CAMKMT: variants seen among roughly 807,000 people sequenced by gnomAD.
CAMKMT encodes the protein calmodulin-lysine N-methyltransferase.
A neutral mutation model predicts 48.0 loss-of-function variants in CAMKMT; 53 were observed. That is an observed-to-expected ratio of 1.10 (90% confidence interval 0.89 to 1.39). CAMKMT has a LOEUF of 1.39. Among genes scored for constraint, CAMKMT ranks in the 40% most tolerant of loss-of-function variants. The pLI is 0.00. For missense variants in CAMKMT, 428 were observed against 402.7 expected (o/e 1.06, Z -0.54); for synonymous variants, 165 against 152.3 (o/e 1.08, Z -0.61).
At chr2:44,649,216 GTTTCC>G (rs776863117) in intron 3 of CAMKMT, among the ~76,000 whole-genome samples, 4 of 151,980 alleles carry the variant, frequency 2.6e-5, no homozygotes, top group Non-Finnish European at 4.4e-5. Context: ...CTTGGATCCT[GTTTCC>G]TTTCAGTTTT....
chr2:44,676,020 G>A (rs1675669281), intron 3 of CAMKMT, among the ~76,000 whole-genome samples: 1 of 152,086 alleles, frequency 6.6e-6, no homozygotes, highest in South Asian at 2.1e-4. Context: ...CGTTTTTAAG[G>A]CCAAATAATA....
chr2:44,439,732 G>A (rs1666520529), intron 3 of CAMKMT, among the ~76,000 whole-genome samples: 1 of 151,824 alleles, frequency 6.6e-6, no homozygotes, highest in Admixed American at 6.6e-5. Flanking sequence ...CAGCTACTCG[G>A]GAGGCTGAGG....
At chr2:44,567,446 T>C (rs1028946182) in intron 3 of CAMKMT, among the ~76,000 whole-genome samples, 2 of 152,196 alleles carry the variant, frequency 1.3e-5, no homozygotes, top group African/African-American at 4.8e-5. Context: ...AGAAAAATTA[T>C]GTTCATTCAG....
intron 3 of CAMKMT, among the ~76,000 whole-genome samples, chr2:44,584,010 A>T (rs112624004): frequency 6.6e-6 from 1 of 152,326 alleles, no homozygotes; most frequent in East Asian, 1.9e-4. Flanking sequence ...CAGGATATTT[A>T]CATGACCCAG....
At chr2:44,691,953 T>C (rs1269369601) in intron 3 of CAMKMT, among the ~76,000 whole-genome samples, 1 of 152,172 alleles carries the variant, frequency 6.6e-6, no homozygotes, top group Non-Finnish European at 1.5e-5. Flanking sequence ...TCCACAAATA[T>C]AGGGAGGCCT....
chr2:44,389,596 A>G (rs1272565360), intron 2 of CAMKMT, among the ~76,000 whole-genome samples: 1 of 152,106 alleles, frequency 6.6e-6, no homozygotes, highest in Non-Finnish European at 1.5e-5. Flanking sequence ...TCTATGACCT[A>G]TTGCACAATT....
intron 3 of CAMKMT, among the ~76,000 whole-genome samples, chr2:44,661,163 A>T (rs1023813235): frequency 6.6e-6 from 1 of 152,126 alleles, no homozygotes; most frequent in African/African-American, 2.4e-5. Flanking sequence ...CTGCTGTGAG[A>T]TGGTTCATAA....
chr2:44,592,130 G>T (rs1458467901), intron 3 of CAMKMT, among the ~76,000 whole-genome samples: 2 of 151,904 alleles, frequency 1.3e-5, no homozygotes, highest in Admixed American at 1.3e-4. Flanking sequence ...GAGTTAATGG[G>T]TGCAGCACAC....
intron 3 of CAMKMT, among the ~76,000 whole-genome samples, chr2:44,703,882 G>T (rs1485971330): frequency 2.0e-5 from 3 of 151,540 alleles, no homozygotes; most frequent in Non-Finnish European, 2.9e-5. Flanking sequence ...TCCTGTGTGT[G>T]ATCGTCCCAT....
At chr2:44,480,578 G>A (rs1253653345) in intron 3 of CAMKMT, among the ~76,000 whole-genome samples, 4 of 152,004 alleles carry the variant, frequency 2.6e-5, no homozygotes, top group South Asian at 2.1e-4. Context: ...TATTATGATC[G>A]TTTACTCAAA....
chr2:44,625,703 G>T (rs1223969019), intron 3 of CAMKMT, among the ~76,000 whole-genome samples: 4 of 152,014 alleles, frequency 2.6e-5, no homozygotes, highest in Non-Finnish European at 5.9e-5. Context: ...GTGAGGTAAG[G>T]GTCGAGGTTC....
intron 3 of CAMKMT, among the ~76,000 whole-genome samples, chr2:44,445,195 C>T (rs1172786902): frequency 6.6e-6 from 1 of 152,166 alleles, no homozygotes; most frequent in Non-Finnish European, 1.5e-5. Context: ...CAGATAATTC[C>T]TATTCTCTAG....
chr2:44,610,834 G>A (rs1044477754), intron 3 of CAMKMT, among the ~76,000 whole-genome samples: 10 of 151,978 alleles, frequency 6.6e-5, no homozygotes, highest in African/African-American at 2.4e-4. Flanking sequence ...CCTTTAAAAC[G>A]GATCCATAGA....
intron 3 of CAMKMT, among the ~76,000 whole-genome samples, chr2:44,568,836 G>A (rs889027531): frequency 2.6e-5 from 4 of 152,216 alleles, no homozygotes; most frequent in Non-Finnish European, 5.9e-5. Context: ...GAGAGGCCCT[G>A]TGGAGGCTAG....
intron 3 of CAMKMT, among the ~76,000 whole-genome samples, chr2:44,630,751 G>A (rs1284448501): frequency 6.6e-6 from 1 of 150,626 alleles, no homozygotes; most frequent in Non-Finnish European, 1.5e-5. Context: ...GAAACAACAG[G>A]TGCTGGAGAG....
intron 3 of CAMKMT, among the ~76,000 whole-genome samples, chr2:44,580,653 C>T (rs1669503452): frequency 6.6e-6 from 1 of 152,254 alleles, no homozygotes; most frequent in East Asian, 1.9e-4. Context: ...TCTTTTGATG[C>T]TGTTTGTTGA....
chr2:44,548,992 A>G (rs1390737421), intron 3 of CAMKMT, among the ~76,000 whole-genome samples: 2 of 152,182 alleles, frequency 1.3e-5, no homozygotes, highest in African/African-American at 4.8e-5. Context: ...TAAGCTGCTA[A>G]ATTTCTGGTG....
chr2:44,418,425 C>CTTTTGTTGTTGA (rs1683715419), intron 3 of CAMKMT, among the ~76,000 whole-genome samples: 1 of 151,060 alleles, frequency 6.6e-6, no homozygotes, highest in Non-Finnish European at 1.5e-5. Flanking sequence ...AGTTAAGGTT[C>CTTTTGTTGTTGA]TTTTGTTGTT....
At chr2:44,514,875 A>G (rs1670757982) in intron 3 of CAMKMT, among the ~76,000 whole-genome samples, 1 of 152,222 alleles carries the variant, frequency 6.6e-6, no homozygotes, top group East Asian at 1.9e-4. Flanking sequence ...TAAAAGGAAT[A>G]TGATGGATAC....
Sources: gnomAD v4.1 joint callset for allele counts (sites outside exome capture counted in the v4.1 genomes callset) on GRCh38, gnomAD v4.1.1 for gene constraint, MANE v1.5 for transcripts, NCBI Gene and HGNC (gene_info 2026-07-23, HGNC 2026-07-21) for gene names.